The following SLIT3 variants were observed in gnomAD, a reference collection of about 807,000 sequenced individuals.
SLIT3 encodes the protein slit homolog 3 protein.
In SLIT3, 68 loss-of-function variants were observed where a neutral mutation model predicts 184.0. The ratio of observed to expected loss-of-function variants is 0.37; its 90% CI spans 0.30 to 0.45. SLIT3 has a LOEUF of 0.45. Ranked by LOEUF, SLIT3 falls within the 20% of genes least tolerant of loss-of-function variation. The pLI is 1.00. For synonymous variants in SLIT3, 831 were observed against 828.6 expected (o/e 1.00, Z -0.05); for missense variants, 1,707 against 2,026.0 (o/e 0.84, Z 3.02).
At chr5:169,194,661 T>G (rs1763683745) in intron 3 of SLIT3, among the ~76,000 whole-genome samples, 1 of 152,208 alleles carries the variant, frequency 6.6e-6, no homozygotes, top group African/African-American at 2.4e-5. Context: ...TCACCATCCC[T>G]GGAGGTGGAG....
intron 4 of SLIT3, among the ~76,000 whole-genome samples, chr5:168,925,304 G>C (rs946925466): frequency 6.6e-6 from 1 of 152,164 alleles, no homozygotes; most frequent in Non-Finnish European, 1.5e-5. Flanking sequence ...CAAGGGAGCT[G>C]CTACTATGCA....
At chr5:168,755,064 G>A (rs967679462) in intron 16 of SLIT3, among the ~76,000 whole-genome samples, 2 of 152,170 alleles carry the variant, frequency 1.3e-5, no homozygotes, top group African/African-American at 4.8e-5. Flanking sequence ...TATGTGCTAG[G>A]CACCTCATGA....
intron 4 of SLIT3, among the ~76,000 whole-genome samples, chr5:169,188,347 A>G (rs1763430391): frequency 6.6e-6 from 1 of 152,206 alleles, no homozygotes; most frequent in Non-Finnish European, 1.5e-5. Flanking sequence ...CCTTTAAATA[A>G]CCAGAAATCT....
At chr5:168,785,686 C>G (rs1319339186) in intron 12 of SLIT3, among the ~76,000 whole-genome samples, 1 of 152,250 alleles carries the variant, frequency 6.6e-6, no homozygotes, top group Non-Finnish European at 1.5e-5. Context: ...TCGGCTGTAT[C>G]ATTTGGGTTT....
chr5:168,883,699 G>A (rs1169281883), intron 4 of SLIT3, among the ~76,000 whole-genome samples: 8 of 55,432 alleles, frequency 1.4e-4, no homozygotes, highest in African/African-American at 3.0e-4. Flanking sequence ...ACCCCCACAC[G>A]GCATTCCTCC....
chr5:168,835,493 GTGT>G (rs1161237857), intron 6 of SLIT3, among the ~76,000 whole-genome samples: 2 of 149,724 alleles, frequency 1.3e-5, no homozygotes, highest in Non-Finnish European at 3.0e-5. Context: ...AAAAAAAAAA[GTGT>G]TGTTTTTTTG....
chr5:168,926,242 T>C (rs891959), intron 4 of SLIT3, among the ~76,000 whole-genome samples: 50,341 of 151,470 alleles, frequency 0.33, 8,500 homozygotes, highest in Admixed American at 0.38. Flanking sequence ...AGCGGTGACT[T>C]GGAATTCAGG....
intron 4 of SLIT3, among the ~76,000 whole-genome samples, chr5:168,887,740 T>C (rs1315936014): frequency 2.0e-5 from 3 of 152,096 alleles, no homozygotes; most frequent in Admixed American, 6.5e-5. Flanking sequence ...CTACAGCTTG[T>C]AGTGCTCTGC....
Position 169,279,551 on chromosome 5 carries a change from C to T in SLIT3, c.197+20962G>A, listed in dbSNP as rs893542306. 2.1e-4 allele frequency among the ~76,000 whole-genome samples: 32 copies of T among 152,236 alleles called. 1 individual carries two copies. The highest frequency in any genetic ancestry group is 4.6e-4 in the Admixed American group (7 of 15,276). On this transcript the variant is annotated intron_variant, in intron 1 of 35. Coordinates refer to ENST00000519560, the MANE Select transcript of SLIT3 (RefSeq NM_003062.4). The stretch of plus-strand genomic sequence containing the variant: ...TGAACTCTCTGAAATTACTACTATG[C>T]CACCTTTTCTAACAAAAGTGCCAAT...
chr5:168,844,524 C>A, intron 6 of SLIT3, 60 bp downstream of exon 6: 1 of 1,448,716 alleles, frequency 6.9e-7, no homozygotes, highest in Admixed American at 1.7e-5. Context: ...CCCACACAGA[C>A]ACACACACAT....
Position 168,708,101 on chromosome 5 carries a change from C to T in SLIT3, c.2720-1G>A. On this transcript the variant is annotated splice_acceptor_variant, in intron 25 of 35. Transcript: ENST00000519560. LOFTEE classifies it high-confidence loss of function. ...GCCACAATGTTGATGTCCACTGGCC[C>T]TGGGCAGCAAAACCAGAGTACTGAT... 1 of 1,614,204 alleles carries T rather than the reference C, an allele frequency of 6.2e-7. No homozygotes were observed. The highest frequency in any genetic ancestry group is 1.1e-5 in the South Asian group (1 of 91,092).
intron 4 of SLIT3, among the ~76,000 whole-genome samples, chr5:169,025,579 C>T (rs915516940): frequency 1.3e-4 from 20 of 152,106 alleles, no homozygotes; most frequent in Non-Finnish European, 2.5e-4. Context: ...CTGGTAAAGA[C>T]GAGGCATATA....
At chr5:169,130,084 T>C (rs967959873) in intron 4 of SLIT3, among the ~76,000 whole-genome samples, 5 of 152,150 alleles carry the variant, frequency 3.3e-5, no homozygotes, top group South Asian at 2.1e-4. Context: ...CCTGACCTCA[T>C]GATCCACCCA....
chr5:168,762,731 C>T (rs747871489), intron 14 of SLIT3, 42 bp from the exon 15 acceptor site: 1 of 1,600,932 alleles, frequency 6.2e-7, no homozygotes, highest in Non-Finnish European at 8.5e-7. Flanking sequence ...CACCCGAGTT[C>T]CACGCACAGC....
chr5:168,835,672 G>C (rs1293748954), intron 6 of SLIT3, among the ~76,000 whole-genome samples: 1 of 151,956 alleles, frequency 6.6e-6, no homozygotes, highest in Non-Finnish European at 1.5e-5. Context: ...TTAGCCAGAC[G>C]TGGTGGCTGG....
At chr5:169,245,033 T>C (rs1454903089) in intron 2 of SLIT3, among the ~76,000 whole-genome samples, 2 of 152,028 alleles carry the variant, frequency 1.3e-5, no homozygotes, top group African/African-American at 4.8e-5. Context: ...TCAGTAAATG[T>C]CCCCCCAAGC....
chr5:169,079,422 T>C (rs984495772), intron 4 of SLIT3, among the ~76,000 whole-genome samples: 1 of 122,868 alleles, frequency 8.1e-6, no homozygotes, highest in Non-Finnish European at 1.6e-5. Context: ...CTGTCCAGGC[T>C]AAGAGACCAG....
At chr5:169,208,754 C>G (rs112625287) in intron 3 of SLIT3, among the ~76,000 whole-genome samples, 4,137 of 152,168 alleles carry the variant, frequency 0.027, 206 homozygotes, top group African/African-American at 0.095. Flanking sequence ...GAAACTGGAC[C>G]CCTTCCTTAT....
At chr5:169,033,750 C>T (rs7706730) in intron 4 of SLIT3, among the ~76,000 whole-genome samples, 41,103 of 151,044 alleles carry the variant, frequency 0.27, 7,284 homozygotes, top group East Asian at 0.53. Flanking sequence ...TGTAGAAATG[C>T]CTATTCAGGT....
Sources: gnomAD v4.1 joint callset for allele counts (sites outside exome capture counted in the v4.1 genomes callset) on GRCh38, gnomAD v4.1.1 for gene constraint, MANE v1.5 for transcripts, NCBI Gene and HGNC (gene_info 2026-07-23, HGNC 2026-07-21) for gene names.